The following STIMATE variants were observed in gnomAD, a reference collection of about 807,000 sequenced individuals.
STIMATE encodes the protein store-operated calcium entry regulator STIMATE.
Under a neutral mutation model 36.7 loss-of-function variants are expected in STIMATE, and 15 were observed. The ratio of observed to expected loss-of-function variants is 0.41; its 90% CI spans 0.27 to 0.63. STIMATE has a LOEUF of 0.63. Among genes scored for constraint, STIMATE ranks in the 20% least tolerant of loss-of-function variants. The pLI is 0.32. For synonymous variants in STIMATE, 163 were observed against 162.3 expected (o/e 1.00, Z -0.03); for missense variants, 305 against 397.3 (o/e 0.77, Z 1.98).
At chr3:52,872,999 T>C (rs1691835097) in intron 1 of STIMATE, among the ~76,000 whole-genome samples, 1 of 152,248 alleles carries the variant, frequency 6.6e-6, no homozygotes, top group Non-Finnish European at 1.5e-5. Context: ...GGTAAAGACT[T>C]AATTTCTTCT....
chr3:52,863,781 T>C (rs1247611319), intron 1 of STIMATE, among the ~76,000 whole-genome samples: 3 of 152,084 alleles, frequency 2.0e-5, no homozygotes, highest in Admixed American at 6.6e-5. Context: ...ATGGGAGAAA[T>C]TGGCCAAAAC....
chr3:52,858,790 T>C (rs1701150985), intron 1 of STIMATE, among the ~76,000 whole-genome samples: 1 of 152,190 alleles, frequency 6.6e-6, no homozygotes, highest in African/African-American at 2.4e-5. Flanking sequence ...TAACTGAAAC[T>C]GATGCCTGTC....
At chr3:52,889,697 G>A (rs74881306) in intron 1 of STIMATE, among the ~76,000 whole-genome samples, 4,696 of 152,228 alleles carry the variant, frequency 0.031, 282 homozygotes, top group African/African-American at 0.11. Flanking sequence ...AAGAGGATGG[G>A]GGCCAGGCAG....
At chr3:52,857,035 A>G (rs1207634831) in intron 1 of STIMATE, among the ~76,000 whole-genome samples, 1 of 152,156 alleles carries the variant, frequency 6.6e-6, no homozygotes, top group Non-Finnish European at 1.5e-5. Flanking sequence ...GGTGGTGGGC[A>G]AGAACCAACT....
rs753738490 is a variant in STIMATE at position 52,842,964 on chromosome 3, T to C, written c.619-4A>G. ...CCACTACCCAAAACATCAAAGCCTG[T>C]GGGAAGGAAAAGTGCAGGTTACTTT... On this transcript the variant is annotated splice_polypyrimidine_tract_variant and splice_region_variant and intron_variant, in intron 6 of 7. Coordinates refer to ENST00000355083, the MANE Select transcript of STIMATE (RefSeq NM_198563.5). 3 of 1,614,090 alleles carry C rather than the reference T, an allele frequency of 1.9e-6. No individual in the cohort carries two copies. Among genetic ancestry groups the C allele is most frequent in the South Asian group, 2.2e-5 (2 of 91,082 alleles).
intron 4 of STIMATE, among the ~76,000 whole-genome samples, chr3:52,846,078 C>A (rs1296755316): frequency 6.6e-6 from 1 of 152,240 alleles, no homozygotes; most frequent in African/African-American, 2.4e-5. Context: ...GCTGGAGGCC[C>A]ATGCCCTGCC....
chr3:52,878,835 A>G (rs758753416), intron 1 of STIMATE, among the ~76,000 whole-genome samples: 1 of 152,142 alleles, frequency 6.6e-6, no homozygotes, highest in African/African-American at 2.4e-5. Context: ...TTCTCAACAG[A>G]TAAGAGCCGA....
At chr3:52,887,600 G>A (rs970984925) in intron 1 of STIMATE, among the ~76,000 whole-genome samples, 36 of 152,272 alleles carry the variant, frequency 2.4e-4, no homozygotes, top group South Asian at 8.3e-4. Context: ...TCCTGGTAGG[G>A]CTCAGCAGTT....
Position 52,837,275 on chromosome 3 carries a change from G to A in STIMATE, c.*3219C>T, listed in dbSNP as rs565746324. The A allele has an allele frequency of 6.6e-6, 1 of 152,616 alleles. No individual in the cohort carries two copies. The highest frequency in any genetic ancestry group is 1.5e-5 in the Non-Finnish European group (1 of 68,218). 9.5% of individuals were successfully genotyped at this position (152,616 alleles called of 1,614,324 possible). On this transcript the variant is annotated 3_prime_UTR_variant, in exon 8 of 8. Transcript: ENST00000355083. ...CTCCAGGGTTCTGAGGCAGCCTTTG[G>A]ACATAAACTTGGGGCTGCACCCTAC...
At chr3:52,858,754 T>C (rs1485453849) in intron 1 of STIMATE, among the ~76,000 whole-genome samples, 1 of 152,166 alleles carries the variant, frequency 6.6e-6, no homozygotes, top group Non-Finnish European at 1.5e-5. Context: ...TCAGGATGTA[T>C]AGGAATATTC....
intron 1 of STIMATE, among the ~76,000 whole-genome samples, chr3:52,891,928 C>A (rs1483643163): frequency 6.6e-6 from 1 of 152,170 alleles, no homozygotes; most frequent in Non-Finnish European, 1.5e-5. Context: ...ATCTCCATAG[C>A]CCCAGAAAAG....
chr3:52,892,262 A>G (rs939107409), intron 1 of STIMATE, among the ~76,000 whole-genome samples: 1 of 152,230 alleles, frequency 6.6e-6, no homozygotes, highest in Non-Finnish European at 1.5e-5. Flanking sequence ...TACAACTCAG[A>G]TTGTCCCCTA....
At chr3:52,896,684 T>C (rs546786040) in intron 1 of STIMATE, among the ~76,000 whole-genome samples, 6 of 151,784 alleles carry the variant, frequency 4.0e-5, no homozygotes, top group Admixed American at 2.6e-4. Flanking sequence ...AGGAAGGGGA[T>C]CTGGGGAAGA....
intron 1 of STIMATE, among the ~76,000 whole-genome samples, chr3:52,888,550 G>A (rs776104717): frequency 8.5e-5 from 13 of 152,190 alleles, no homozygotes; most frequent in Non-Finnish European, 1.5e-4. Context: ...ATTCCTATAG[G>A]ACAGTGTCTT....
At chr3:52,892,963 A>G (rs998385346) in intron 1 of STIMATE, among the ~76,000 whole-genome samples, 4 of 152,154 alleles carry the variant, frequency 2.6e-5, no homozygotes, top group Non-Finnish European at 4.4e-5. Flanking sequence ...TTCAAACACC[A>G]CAAGGAAACA....
At chr3:52,853,136 C>A (rs1701036647) in intron 2 of STIMATE, among the ~76,000 whole-genome samples, 1 of 152,034 alleles carries the variant, frequency 6.6e-6, no homozygotes, top group Non-Finnish European at 1.5e-5. Context: ...AAACAATGGG[C>A]TAGATCAGGG....
chr3:52,875,504 T>C (rs941077756), intron 1 of STIMATE, among the ~76,000 whole-genome samples: 1 of 152,168 alleles, frequency 6.6e-6, no homozygotes, highest in Non-Finnish European at 1.5e-5. Context: ...CAGGTTAGAT[T>C]TCTGTCCCCG....
chr3:52,863,985 G>T (rs57680248), intron 1 of STIMATE, among the ~76,000 whole-genome samples: 1 of 152,182 alleles, frequency 6.6e-6, no homozygotes, highest in Non-Finnish European at 1.5e-5. Flanking sequence ...GCTTTGATGC[G>T]CTGGCGTTGA....
chr3:52,895,141 C>T (rs1701845975), intron 1 of STIMATE, among the ~76,000 whole-genome samples: 2 of 152,224 alleles, frequency 1.3e-5, no homozygotes, highest in African/African-American at 2.4e-5. Context: ...ACCTTGATCT[C>T]GTTCCTCTTC....
Sources: allele counts gnomAD v4.1 joint callset (sites outside exome capture counted in the v4.1 genomes callset), GRCh38; gene constraint gnomAD v4.1.1; transcripts MANE v1.5; gene names NCBI Gene and HGNC (gene_info 2026-07-23, HGNC 2026-07-21).